Variants in TTLL4 observed in about 807,000 individuals in gnomAD.
TTLL4 encodes tubulin monoglutamylase TTLL4.
In TTLL4, 85 loss-of-function variants were observed where a neutral mutation model predicts 122.7. The observed-to-expected ratio is 0.69, with a 90% CI of 0.58 to 0.83. TTLL4 has a LOEUF of 0.83. Among genes scored for constraint, TTLL4 ranks in the 40% least tolerant of loss-of-function variants. The probability of loss-of-function intolerance (pLI) is 0.00; values close to 1 mark genes in which losing one functional copy is unlikely to be tolerated. For synonymous variants in TTLL4, 553 were observed against 563.0 expected, an observed-to-expected ratio of 0.98 and a Z score of 0.25; for missense variants, 1,363 against 1,488.6, an observed-to-expected ratio of 0.92 and a Z score of 1.39.
chr2:218,754,698 G>A lies in TTLL4; in HGVS notation c.*309G>A, dbSNP rs1559377755. On this transcript the variant is annotated 3_prime_UTR_variant, in exon 20 of 20. Coordinates refer to ENST00000392102, the MANE Select transcript of TTLL4 (RefSeq NM_014640.5). ...AGGTTTTGGTTTCTACCTTAAGTGA[G>A]CCATGTGTGGTTTGTCTGGGGGCCC... is the stretch of plus-strand genomic sequence containing the variant. 2.5e-6 allele frequency: 1 copy of A among 404,962 alleles called. No individual in the cohort carries two copies. Among genetic ancestry groups the A allele is most frequent in the East Asian group, 4.5e-5 (1 of 22,370 alleles). The allele number at this position is 404,962 out of a possible 1,614,324, so 25.1% of individuals were successfully genotyped here.
intron 1 of TTLL4, among the ~76,000 whole-genome samples, chr2:218,716,458 A>G (rs1218674152): frequency 1.3e-5 from 2 of 152,230 alleles, no homozygotes; most frequent in Non-Finnish European, 2.9e-5. Flanking sequence ...ATTAAAAAGC[A>G]TACTCAAGGA....
At chr2:218,740,705 T>C (rs1049147790) in intron 5 of TTLL4, 121 bp downstream of exon 5, 1 of 1,187,634 alleles carries the variant, frequency 8.4e-7, no homozygotes, top group Non-Finnish European at 1.2e-6. Context: ...TTACCAAATT[T>C]TTATGTTTGC....
rs1413762472 is a variant in TTLL4 at position 218,738,912 on chromosome 2, A to G, written c.1236A>G (p.Thr412=). 11 of 1,614,094 alleles carry G rather than the reference A, an allele frequency of 6.8e-6. No individual in the cohort carries two copies. In the Admixed American group the frequency reaches 1.0e-4, roughly 15 times the overall value. ...GASDTLGLDN[T]VFCTKRISIH... ...CAGATACCTTGGGGTTGGACAATAC[A>G]GTCTTCTGTACCAAGCGTATCAGCA... Residue 412 remains threonine (T), a synonymous_variant, in exon 3 of 20, where the codon ACA becomes ACG. Transcript: ENST00000392102.
chr2:218,753,499 G>A, intron 18 of TTLL4, 85 bp from the exon 19 acceptor site: 4 of 1,316,884 alleles, frequency 3.0e-6, no homozygotes, highest in Non-Finnish European at 4.4e-6. Flanking sequence ...CCATTTAGAG[G>A]TAGAGCTGGA....
chr2:218,738,561 A>G lies in TTLL4; in HGVS notation c.885A>G (p.Thr295=), dbSNP rs766846195. The G allele has an allele frequency of 5.6e-6, 9 of 1,613,968 alleles. No homozygotes were observed. Among genetic ancestry groups the G allele is most frequent in the African/African-American group, 1.3e-5 (1 of 74,880 alleles). Residue 295 remains threonine (T), a synonymous_variant, in exon 3 of 20, where the codon ACA becomes ACG. Coordinates refer to ENST00000392102, the MANE Select transcript of TTLL4 (RefSeq NM_014640.5). ...TGTCTACCGCTAGCTCCCACGACAC[A>G]TCCACCACCAGTGTTGCCTCTTCCT... The part of the protein sequence containing the change: ...IALSTASSHD[T]STTSVASSWY...
At chr2:218,725,215 A>G (rs1444577969) in intron 1 of TTLL4, among the ~76,000 whole-genome samples, 3 of 152,076 alleles carry the variant, frequency 2.0e-5, no homozygotes, top group African/African-American at 7.2e-5. Flanking sequence ...AGTCATTTTA[A>G]GAGATGATAA....
Position 218,739,150 on chromosome 2 carries a change from G to A in TTLL4, c.1474G>A (p.Asp492Asn), listed in dbSNP as rs1216228701. The change falls in exon 3 of 20, where the codon GAT (aspartate) becomes AAT (asparagine). Residue 492 changes from aspartate (D) to asparagine (N), a missense_variant. Asp to Asn is a conservative substitution (Grantham distance 23). Transcript: ENST00000392102. ...PEEARELDSS[D>N]RDISSATDLQ... Reference sequence around the variant, plus strand: ...GGAGGCCAGGGAGCTGGACTCATCTGATAGGGATATTAGGTATGTTGGCAA... The same window carrying A: ...GGAGGCCAGGGAGCTGGACTCATCTAATAGGGATATTAGGTATGTTGGCAA... The A allele has an allele frequency of 6.2e-7, 1 of 1,612,422 alleles. No individual in the cohort carries two copies. Among genetic ancestry groups the A allele is most frequent in the Non-Finnish European group, 8.5e-7 (1 of 1,179,754 alleles).
chr2:218,750,651 C>T (rs1334472934), intron 15 of TTLL4, among the ~76,000 whole-genome samples: 2 of 152,174 alleles, frequency 1.3e-5, no homozygotes, highest in Non-Finnish European at 2.9e-5. Context: ...AACTGGATCG[C>T]TCACACAACC....
At chr2:218,751,893 T>G (rs1349789075) in intron 16 of TTLL4, 87 bp downstream of exon 16, 2 of 867,232 alleles carry the variant, frequency 2.3e-6, no homozygotes, top group African/African-American at 3.8e-5. Flanking sequence ...TTTTCTTTTT[T>G]TTTTTCTTTT....
intron 1 of TTLL4, among the ~76,000 whole-genome samples, chr2:218,720,390 G>T (rs1941997637): frequency 6.6e-6 from 1 of 152,172 alleles, no homozygotes; most frequent in South Asian, 2.1e-4. Flanking sequence ...ACAAGGAGAT[G>T]GTGGTAAGAG....
intron 1 of TTLL4, 102 bp downstream of exon 1, chr2:218,711,139 C>T (rs1941690559): frequency 6.6e-6 from 1 of 152,374 alleles, no homozygotes; most frequent in Non-Finnish European, 1.5e-5. Context: ...GGTCCCCAGC[C>T]CTCCGGCCAC....
At position 218,738,760 on chromosome 2, in the gene TTLL4, A is replaced by G. The variant is rs746683771; in HGVS notation, c.1084A>G (p.Ser362Gly). Reference protein sequence around the residue: ...PRQGCQLEQSSFLNPSFQWNV... With the variant: ...PRQGCQLEQSGFLNPSFQWNV... ...GCAAGGCTGCCAGCTTGAACAGTCT[A>G]GTTTCCTGAACCCCAGCTTCCAGTG... Residue 362 changes from serine to glycine, a missense_variant, in exon 3 of 20, where the codon AGT (serine) becomes GGT (glycine). By Grantham distance (56) the Ser-to-Gly change is moderately conservative. Coordinates refer to ENST00000392102, the MANE Select transcript of TTLL4 (RefSeq NM_014640.5). 2.5e-6 allele frequency: 4 copies of G among 1,614,192 alleles called. No individual in the cohort carries two copies. The highest frequency in any genetic ancestry group is 2.5e-6 in the Non-Finnish European group (3 of 1,180,026).
chr2:218,737,963 TTG>T lies in TTLL4; in HGVS notation c.288_289del (p.Ala97ArgfsTer27). On this transcript the variant is annotated frameshift_variant, in exon 3 of 20. Transcript: ENST00000392102. LOFTEE classifies it high-confidence loss of function. The stretch of plus-strand genomic sequence containing the variant: ...TGTAGCTCTGGGACCACGGCTGTCA[TTG>T]CAGGCCACAGCAGTTCCTGTTACCT... 6.2e-7 allele frequency: 1 copy of T among 1,614,220 alleles called. No homozygotes were observed. Among genetic ancestry groups the T allele is most frequent in the Non-Finnish European group, 8.5e-7 (1 of 1,180,040 alleles).
downstream of TTLL4, among the ~76,000 whole-genome samples, chr2:218,756,044 G>A (rs1943145418): frequency 6.6e-6 from 1 of 152,156 alleles, no homozygotes; most frequent in Non-Finnish European, 1.5e-5. Context: ...CTTTTCTGAT[G>A]TAATTGAAGT....
chr2:218,749,949 T>C (rs1942971747), intron 14 of TTLL4, 60 bp from the exon 15 acceptor site: 4 of 1,590,386 alleles, frequency 2.5e-6, no homozygotes, highest in Non-Finnish European at 3.4e-6. Flanking sequence ...GAGTTGCACA[T>C]ATGACCAGAG....
chr2:218,723,260 A>C (rs1651154358), intron 1 of TTLL4, among the ~76,000 whole-genome samples: 1 of 152,104 alleles, frequency 6.6e-6, no homozygotes, highest in African/African-American at 2.4e-5. Flanking sequence ...TCCTTATCTC[A>C]GCCTCTAGGT....
chr2:218,737,686 G>A lies in TTLL4; in HGVS notation c.10G>A (p.Ala4Thr), dbSNP rs1942565558. 1 of 1,596,344 alleles carries A rather than the reference G, an allele frequency of 6.3e-7. No homozygotes were observed. Among genetic ancestry groups the A allele is most frequent in the Non-Finnish European group, 8.5e-7 (1 of 1,170,254 alleles). Reference sequence around the variant, plus strand: ...ATGATGTGGGCCCCTCATGGCCTCAGCAGGAACACAGCACTATAGTATTGG... The same window carrying A: ...ATGATGTGGGCCCCTCATGGCCTCAACAGGAACACAGCACTATAGTATTGG... MAS[A>T]GTQHYSIGLR... Residue 4 changes from alanine to threonine, a missense_variant, in exon 3 of 20, where the codon GCA (alanine) becomes ACA (threonine). Ala to Thr is a moderately conservative substitution (Grantham distance 58). Around this residue, in one of 3 missense-constraint regions of TTLL4, gnomAD observed 760 missense variants for 808.4 expected, o/e 0.94. Transcript: ENST00000392102.
chr2:218,753,559 G>T (rs760158268), intron 18 of TTLL4, 25 bp from the exon 19 acceptor site: 1 of 1,612,784 alleles, frequency 6.2e-7, no homozygotes, highest in East Asian at 2.2e-5. Flanking sequence ...AAGCCTTTTG[G>T]TCTCATTGCT....
chr2:218,753,255 G>C, intron 18 of TTLL4, 70 bp downstream of exon 18: 2 of 1,566,432 alleles, frequency 1.3e-6, no homozygotes, highest in Non-Finnish European at 1.8e-6. Flanking sequence ...GAGTGCAGCA[G>C]GAGTTGGGTT....
Sources: gnomAD v4.1 joint callset for allele counts (sites outside exome capture counted in the v4.1 genomes callset) on GRCh38, gnomAD v4.1.1 for gene constraint, gnomAD v4.1.1 regional missense constraint, MANE v1.5 for transcripts, NCBI Gene and HGNC (gene_info 2026-07-23, HGNC 2026-07-21) for gene names.